The following PTPRD variants were observed in gnomAD, a reference collection of about 807,000 sequenced individuals.
PTPRD encodes the protein receptor-type tyrosine-protein phosphatase delta.
In PTPRD, 34 loss-of-function variants were observed where a neutral mutation model predicts 214.5. The ratio of observed to expected loss-of-function variants is 0.16; its 90% CI spans 0.12 to 0.21. The LOEUF (loss-of-function observed/expected upper bound fraction) is 0.21, where lower values mean the gene tolerates loss of function less well. PTPRD is among the 10% of genes least tolerant of loss of function. The pLI, the probability that PTPRD is intolerant of heterozygous loss-of-function variation, is 1.00. For synonymous variants in PTPRD, 1,128 were observed against 845.7 expected (o/e 1.33, Z -5.79); for missense variants, 2,545 against 2,398.7 (o/e 1.06, Z -1.27).
chr9:9,842,657 A>G (rs2058611379), intron 5 of PTPRD, among the ~76,000 whole-genome samples: 1 of 151,692 alleles, frequency 6.6e-6, no homozygotes, highest in African/African-American at 2.4e-5. Flanking sequence ...CTAATCAACT[A>G]TCTAAAAAAG....
At chr9:10,470,482 C>T (rs1205957599) in intron 2 of PTPRD, among the ~76,000 whole-genome samples, 1 of 152,028 alleles carries the variant, frequency 6.6e-6, no homozygotes, top group African/African-American at 2.4e-5. Context: ...AATTATGTTT[C>T]AATGTATATT....
In PTPRD at chr9:10,478,723, T is replaced by C. The variant is rs572971053; in HGVS notation, c.-600+133675A>G. On this transcript the variant is annotated intron_variant, in intron 2 of 45. Coordinates refer to ENST00000381196, the MANE Select transcript of PTPRD (RefSeq NM_002839.4). The stretch of plus-strand genomic sequence containing the variant: ...ATTACAGAGTTACTATATTCTGTAA[T>C]ATATATGTATATGTATATAAATATA... Among the ~76,000 whole-genome samples, 83 of 151,520 alleles carry C rather than the reference T, an allele frequency of 5.5e-4. 1 individual carries two copies. Among genetic ancestry groups the C allele is most frequent in the African/African-American group, 1.9e-3 (80 of 41,430 alleles).
intron 5 of PTPRD, among the ~76,000 whole-genome samples, chr9:9,836,210 C>T (rs954877671): frequency 3.9e-5 from 6 of 152,080 alleles, no homozygotes; most frequent in Admixed American, 3.9e-4. Flanking sequence ...GAAGGACATC[C>T]TAGAGTAGCC....
At chr9:9,233,898 G>A (rs1308024089) in intron 9 of PTPRD, among the ~76,000 whole-genome samples, 1 of 152,172 alleles carries the variant, frequency 6.6e-6, no homozygotes, top group African/African-American at 2.4e-5. Flanking sequence ...TTTATGGGCT[G>A]GCATTGAATG....
intron 7 of PTPRD, among the ~76,000 whole-genome samples, chr9:9,613,301 A>G (rs2094642076): frequency 6.6e-6 from 1 of 151,968 alleles, no homozygotes; most frequent in Admixed American, 6.6e-5. Flanking sequence ...TAAATCTAAA[A>G]AACGTCATTC....
intron 8 of PTPRD, among the ~76,000 whole-genome samples, chr9:9,445,914 G>A (rs114554686): frequency 0.013 from 2,037 of 152,226 alleles, 37 homozygotes; most frequent in African/African-American, 0.047. Flanking sequence ...GTAAGAAATG[G>A]TTCCTTAGCA....
rs112543447 is a variant in PTPRD at position 9,164,885 on chromosome 9, C to CA, written c.-143+18418dup. Among the ~76,000 whole-genome samples the CA allele has an allele frequency of 3.7e-5, 5 of 136,730 alleles. No homozygotes were observed. The East Asian group carries it at 6.4e-4, about 18-fold the overall frequency. 89.7% of individuals were successfully genotyped at this position (136,730 alleles called of 152,430 possible). ...CAAAACAAAACAAAACAAAACAAAA[C>CA]AAACAAACCAACCAGAAATTAGCCG... On this transcript the variant is annotated intron_variant, in intron 10 of 45. Transcript: ENST00000381196.
intron 3 of PTPRD, among the ~76,000 whole-genome samples, chr9:10,325,927 T>C (rs140171116): frequency 6.6e-6 from 1 of 151,898 alleles, no homozygotes; most frequent in East Asian, 1.9e-4. Flanking sequence ...CCCACTGTAA[T>C]AATTTTTTTA....
chr9:9,813,766 G>C (rs2047900544), intron 5 of PTPRD, among the ~76,000 whole-genome samples: 1 of 151,986 alleles, frequency 6.6e-6, no homozygotes, highest in Non-Finnish European at 1.5e-5. Flanking sequence ...CATTTTAAAA[G>C]GTCAGAATTA....
At chr9:9,997,419 G>A (rs1290010364) in intron 4 of PTPRD, among the ~76,000 whole-genome samples, 1 of 151,826 alleles carries the variant, frequency 6.6e-6, no homozygotes, top group Non-Finnish European at 1.5e-5. Context: ...CCGAGTAGCT[G>A]GGATTACAGA....
intron 37 of PTPRD, among the ~76,000 whole-genome samples, chr9:8,382,044 C>T (rs182686334): frequency 3.3e-5 from 5 of 152,312 alleles, no homozygotes; most frequent in Admixed American, 3.3e-4. Flanking sequence ...CCTACAGCCA[C>T]CTCTGCTTCT....
intron 8 of PTPRD, among the ~76,000 whole-genome samples, chr9:9,537,931 T>C (rs1310028008): frequency 6.6e-6 from 1 of 151,968 alleles, no homozygotes. Context: ...TTTTTCTTTC[T>C]CTGTACCTTT....
chr9:9,597,461 T>C (rs1225202047), intron 7 of PTPRD, among the ~76,000 whole-genome samples: 1 of 151,944 alleles, frequency 6.6e-6, no homozygotes, highest in Admixed American at 6.6e-5. Flanking sequence ...AATAAAAACA[T>C]AATGAAGTTA....
chr9:10,359,657 A>ATTAAAAATAATTGTGTGT (rs1451233042), intron 2 of PTPRD, among the ~76,000 whole-genome samples: 2 of 152,126 alleles, frequency 1.3e-5, no homozygotes, highest in Non-Finnish European at 2.9e-5. Flanking sequence ...CTGTTTTATA[A>ATTAAAAATAATTGTGTGT]TTAAAAATAA....
intron 9 of PTPRD, among the ~76,000 whole-genome samples, chr9:9,230,419 G>A (rs952558963): frequency 3.9e-5 from 6 of 152,068 alleles, no homozygotes; most frequent in Non-Finnish European, 8.8e-5. Context: ...GTAAATATAA[G>A]TACAGTGTTT....
intron 4 of PTPRD, among the ~76,000 whole-genome samples, chr9:9,975,582 T>A (rs1021328357): frequency 1.3e-5 from 2 of 152,178 alleles, no homozygotes; most frequent in African/African-American, 2.4e-5. Flanking sequence ...GAGTACGTAT[T>A]TTAACAAAAT....
intron 11 of PTPRD, among the ~76,000 whole-genome samples, chr9:8,904,757 G>C (rs565461499): frequency 3.3e-5 from 5 of 151,356 alleles, no homozygotes; most frequent in African/African-American, 4.9e-5. Flanking sequence ...ACTGTGGTCT[G>C]TAGATATTTT....
chr9:9,931,592 G>T (rs189041628), intron 5 of PTPRD, among the ~76,000 whole-genome samples: 1 of 152,068 alleles, frequency 6.6e-6, no homozygotes. Context: ...ACGGAGTCTC[G>T]CTGATTGCTA....
chr9:9,200,804 A>C (rs142557673), intron 9 of PTPRD, among the ~76,000 whole-genome samples: 1 of 152,294 alleles, frequency 6.6e-6, no homozygotes, highest in African/African-American at 2.4e-5. Flanking sequence ...TCTAACCAAA[A>C]ACTGCAAAAA....
Sources: gnomAD v4.1 joint callset for allele counts (sites outside exome capture counted in the v4.1 genomes callset) on GRCh38, gnomAD v4.1.1 for gene constraint, MANE v1.5 for transcripts, NCBI Gene and HGNC (gene_info 2026-07-23, HGNC 2026-07-21) for gene names.